The following L3MBTL3 variants were observed in gnomAD, a reference collection of about 807,000 sequenced individuals.
The protein encoded by L3MBTL3 is L3MBTL histone methyl-lysine binding protein 3.
Under a neutral mutation model 102.3 loss-of-function variants are expected in L3MBTL3, and 27 were observed. The ratio of observed to expected loss-of-function variants is 0.26; its 90% CI spans 0.19 to 0.36. The LOEUF (loss-of-function observed/expected upper bound fraction) is 0.36. Among genes scored for constraint, L3MBTL3 ranks in the 10% least tolerant of loss-of-function variants. The pLI is 1.00. For missense variants in L3MBTL3, 798 were observed against 955.3 expected, an observed-to-expected ratio of 0.84 and a Z score of 2.17; for synonymous variants, 340 against 320.9, an observed-to-expected ratio of 1.06 and a Z score of -0.64.
chr6:130,054,204 G>A (rs1162420373), intron 7 of L3MBTL3, among the ~76,000 whole-genome samples: 1 of 152,162 alleles, frequency 6.6e-6, no homozygotes, highest in Non-Finnish European at 1.5e-5. Flanking sequence ...TGTTTTGTTC[G>A]AGGAAATAAA....
At chr6:130,050,063 C>G (rs1285774229) in intron 5 of L3MBTL3, among the ~76,000 whole-genome samples, 2 of 152,156 alleles carry the variant, frequency 1.3e-5, no homozygotes, top group African/African-American at 4.8e-5. Flanking sequence ...CTGGCCTTTT[C>G]TATCTATCAT....
chr6:130,045,430 C>A (rs1014102926), intron 3 of L3MBTL3, among the ~76,000 whole-genome samples: 9 of 152,270 alleles, frequency 5.9e-5, no homozygotes, highest in African/African-American at 2.2e-4. Flanking sequence ...GTACTCTCTG[C>A]TGAACACTCT....
intron 19 of L3MBTL3, among the ~76,000 whole-genome samples, chr6:130,119,857 TGTTA>T (rs1175527865): frequency 1.3e-5 from 2 of 152,320 alleles, no homozygotes; most frequent in Admixed American, 1.3e-4. Context: ...ATGCTTACTG[TGTTA>T]GTGTCATTGT....
chr6:130,093,113 G>A (rs1047705464), intron 17 of L3MBTL3, among the ~76,000 whole-genome samples: 1 of 152,118 alleles, frequency 6.6e-6, no homozygotes, highest in Non-Finnish European at 1.5e-5. Flanking sequence ...TTTACAATTA[G>A]TGTTGAATTT....
intron 16 of L3MBTL3, among the ~76,000 whole-genome samples, chr6:130,091,198 T>C (rs920350404): frequency 7.2e-5 from 11 of 152,188 alleles, no homozygotes; most frequent in Admixed American, 6.5e-4. Context: ...TGATCCACTC[T>C]GTGATTACAA....
chr6:130,077,808 T>C (rs895735355), intron 13 of L3MBTL3, among the ~76,000 whole-genome samples: 4 of 152,176 alleles, frequency 2.6e-5, no homozygotes, highest in Non-Finnish European at 5.9e-5. Flanking sequence ...CTAGTTAGTA[T>C]AGCAAAACTG....
intron 13 of L3MBTL3, among the ~76,000 whole-genome samples, chr6:130,075,813 G>T (rs1782914659): frequency 6.6e-6 from 1 of 152,122 alleles, no homozygotes; most frequent in African/African-American, 2.4e-5. Context: ...GCCTCAAGAA[G>T]AAATAAACTT....
intron 20 of L3MBTL3, among the ~76,000 whole-genome samples, chr6:130,121,732 C>T (rs1193551508): frequency 6.6e-6 from 1 of 151,908 alleles, no homozygotes; most frequent in African/African-American, 2.4e-5. Flanking sequence ...AAAAAAAATT[C>T]CTTGAACAAT....
chr6:130,053,649 A>C (rs1247688790), intron 7 of L3MBTL3, among the ~76,000 whole-genome samples: 3 of 152,070 alleles, frequency 2.0e-5, no homozygotes, highest in East Asian at 3.9e-4. Flanking sequence ...AAAAAAAACA[A>C]AAAAAACTAT....
chr6:130,107,164 G>T (rs532981223), intron 19 of L3MBTL3, among the ~76,000 whole-genome samples: 49 of 152,242 alleles, frequency 3.2e-4, no homozygotes, highest in Middle Eastern at 6.8e-3. Flanking sequence ...TTTCTTAAGG[G>T]TTCAGAGGTG....
chr6:130,113,442 C>T (rs943521720), intron 19 of L3MBTL3, among the ~76,000 whole-genome samples: 5 of 152,200 alleles, frequency 3.3e-5, no homozygotes, highest in African/African-American at 4.8e-5. Flanking sequence ...TATTCTATAG[C>T]TGCTTATAAT....
chr6:130,028,276 C>A (rs1024450927), intron 2 of L3MBTL3, among the ~76,000 whole-genome samples: 1 of 152,134 alleles, frequency 6.6e-6, no homozygotes, highest in Non-Finnish European at 1.5e-5. Flanking sequence ...GGTAGCAAAT[C>A]AGAGAGACCA....
At chr6:130,035,144 T>C (rs1779974127) in intron 2 of L3MBTL3, among the ~76,000 whole-genome samples, 1 of 152,012 alleles carries the variant, frequency 6.6e-6, no homozygotes. Context: ...TAAAAACTCA[T>C]TTTTATTCAT....
intron 19 of L3MBTL3, among the ~76,000 whole-genome samples, chr6:130,120,477 G>T (rs1786075153): frequency 6.6e-6 from 1 of 152,144 alleles, no homozygotes; most frequent in Admixed American, 6.5e-5. Context: ...AAATCCCAGT[G>T]CTGAGTCGTA....
chr6:130,092,926 C>A, intron 17 of L3MBTL3, 67 bp downstream of exon 17: 1 of 991,820 alleles, frequency 1.0e-6, no homozygotes, highest in Non-Finnish European at 1.6e-6. Context: ...AGATTTCATC[C>A]TTAGCCCTTT....
Position 130,071,046 on chromosome 6 carries a change from T to A in L3MBTL3, c.1163T>A (p.Ile388Asn), listed in dbSNP as rs1782608187. The change falls in exon 13 of 23, where the codon ATC becomes AAC. Residue 388 changes from isoleucine (I) to asparagine (N), a missense_variant. This residue lies in a region of L3MBTL3 where 434 missense variants were observed against 506.6 expected (regional missense o/e 0.86). Coordinates refer to ENST00000361794, the MANE Select transcript of L3MBTL3 (RefSeq NM_032438.4). ...EAVDKKNPSF[I>N]CVATVTDMVD... ...GTAGACAAAAAGAATCCCTCATTCA[T>A]CTGTGTTGCTACGGTAACAGATATG... The A allele has an allele frequency of 6.2e-7, 1 of 1,613,354 alleles. No individual in the cohort carries two copies. Among genetic ancestry groups the A allele is most frequent in the Non-Finnish European group, 8.5e-7 (1 of 1,179,536 alleles).
chr6:130,066,777 A>G (rs751693375), intron 11 of L3MBTL3, among the ~76,000 whole-genome samples: 1 of 152,210 alleles, frequency 6.6e-6, no homozygotes, highest in Non-Finnish European at 1.5e-5. Flanking sequence ...TATTAAATAC[A>G]TACATCTTTG....
Position 130,049,656 on chromosome 6 carries a change from A to G in L3MBTL3, c.215-100A>G, listed in dbSNP as rs527445716. 4.5e-6 allele frequency: 6 copies of G among 1,336,894 alleles called. No individual in the cohort carries two copies. The African/African-American group carries it at 7.2e-5, about 16-fold the overall frequency. The allele number at this position is 1,336,894 out of a possible 1,614,324, so 82.8% of individuals were successfully genotyped here. On this transcript the variant is annotated intron_variant, in intron 4 of 22. Coordinates refer to ENST00000361794, the MANE Select transcript of L3MBTL3 (RefSeq NM_032438.4). ...TAAGTAAATCCATGTTGTAGCCTAC[A>G]CAGGTGATTTAGCCAAAAGCCTGCC...
At chr6:130,121,785 G>A (rs1419598853) in intron 20 of L3MBTL3, among the ~76,000 whole-genome samples, 2 of 152,104 alleles carry the variant, frequency 1.3e-5, no homozygotes, top group Non-Finnish European at 2.9e-5. Flanking sequence ...CTACATCTTT[G>A]TTAAAAATAT....
Sources: gnomAD v4.1 joint callset for allele counts (sites outside exome capture counted in the v4.1 genomes callset) on GRCh38, gnomAD v4.1.1 for gene constraint, gnomAD v4.1.1 regional missense constraint, MANE v1.5 for transcripts, NCBI Gene and HGNC (gene_info 2026-07-23, HGNC 2026-07-21) for gene names.